The following PLPP3 variants were observed in gnomAD, a reference collection of about 807,000 sequenced individuals.
PLPP3 encodes the protein phospholipid phosphatase 3.
PLPP3 carries 6 observed loss-of-function variants against 29.6 expected under a neutral mutation model. The ratio of observed to expected loss-of-function variants is 0.20; its 90% CI spans 0.11 to 0.40. The LOEUF (loss-of-function observed/expected upper bound fraction) is 0.40. PLPP3 is among the 10% of genes least tolerant of loss of function. The pLI is 1.00. For missense variants in PLPP3, 308 were observed against 407.7 expected (o/e 0.76, Z 2.11); for synonymous variants, 152 against 159.7 (o/e 0.95, Z 0.36).
At chr1:56,534,781 T>A (rs2100263384) in intron 2 of PLPP3, among the ~76,000 whole-genome samples, 1 of 152,304 alleles carries the variant, frequency 6.6e-6, no homozygotes, top group Non-Finnish European at 1.5e-5. Flanking sequence ...GTACCCTTGA[T>A]AGTTATGACA....
At chr1:56,556,776 G>A (rs529549240) in intron 1 of PLPP3, among the ~76,000 whole-genome samples, 1 of 150,820 alleles carries the variant, frequency 6.6e-6, no homozygotes, top group African/African-American at 2.4e-5. Context: ...ACTGTCCCTG[G>A]GCAGGCAGGT....
chr1:56,522,713 T>A (rs955164676), intron 4 of PLPP3, among the ~76,000 whole-genome samples: 1 of 152,228 alleles, frequency 6.6e-6, no homozygotes, highest in Non-Finnish European at 1.5e-5. Context: ...CTGCTGTTTT[T>A]CCCAATTCCT....
chr1:56,498,626 C>T (rs914467623), intron 5 of PLPP3, among the ~76,000 whole-genome samples: 3 of 151,388 alleles, frequency 2.0e-5, no homozygotes, highest in Non-Finnish European at 4.4e-5. Flanking sequence ...AATCCCTCCC[C>T]ATCACTACTT....
At chr1:56,502,606 T>C (rs1332158676) in intron 5 of PLPP3, among the ~76,000 whole-genome samples, 6 of 152,218 alleles carry the variant, frequency 3.9e-5, no homozygotes. Flanking sequence ...TGCCATTGCA[T>C]GGCTGTGTGT....
At chr1:56,559,843 T>G (rs1646109349) in intron 1 of PLPP3, among the ~76,000 whole-genome samples, 1 of 152,182 alleles carries the variant, frequency 6.6e-6, no homozygotes, top group South Asian at 2.1e-4. Context: ...AAGGAAGAAC[T>G]TTTGATGCTT....
At chr1:56,505,578 C>T (rs1256010083) in intron 5 of PLPP3, among the ~76,000 whole-genome samples, 1 of 152,204 alleles carries the variant, frequency 6.6e-6, no homozygotes, top group African/African-American at 2.4e-5. Context: ...ATGGAAACAA[C>T]CAGCATGAAG....
At chr1:56,528,040 C>A (rs748738347) in intron 2 of PLPP3, among the ~76,000 whole-genome samples, 10 of 152,240 alleles carry the variant, frequency 6.6e-5, no homozygotes, top group African/African-American at 1.2e-4. Context: ...CCTCAGTCAG[C>A]AAGGTTCTGA....
chr1:56,557,011 AG>A (rs1219728995), intron 1 of PLPP3, among the ~76,000 whole-genome samples: 1,988 of 14,852 alleles, frequency 0.13, 245 homozygotes, highest in Admixed American at 0.19. Context: ...AGAAAGAAAG[AG>A]AGAGAGAGAG....
In PLPP3 at chr1:56,539,666, G is replaced by C. The variant is rs181408450; in HGVS notation, c.140-2554C>G. Among the ~76,000 whole-genome samples, 9 of 152,298 alleles carry C rather than the reference G, an allele frequency of 5.9e-5. No individual in the cohort carries two copies. In the East Asian group the frequency reaches 1.3e-3, roughly 23 times the overall value. On this transcript the variant is annotated intron_variant, in intron 1 of 5. Coordinates refer to ENST00000371250, the MANE Select transcript of PLPP3 (RefSeq NM_003713.5). ...CTTTGTCTCTGCAATGGAGGAGAGG[G>C]GGGCAGGGAAAGGCAGTGGATAAAC...
chr1:56,572,128 C>A (rs990379951), intron 1 of PLPP3, among the ~76,000 whole-genome samples: 1 of 135,786 alleles, frequency 7.4e-6, no homozygotes, highest in African/African-American at 2.7e-5. Context: ...TGGCTCACTG[C>A]AGCCTCTGCC....
chr1:56,524,264 G>A lies in PLPP3; in HGVS notation c.575+13C>T, dbSNP rs377658100. On this transcript the variant is annotated intron_variant, in intron 3 of 5. Transcript: ENST00000371250. This position sits in a 1 kb window ranked among gnomAD's most constrained non-coding sequence, Gnocchi z 4.3. ...GGGGTCCAGGCTCTGGCCATGCGGAGGTGGTGTCTCACCTGGCTTCCTGGA... is the reference window on the plus strand; with the variant it reads ...GGGGTCCAGGCTCTGGCCATGCGGAAGTGGTGTCTCACCTGGCTTCCTGGA... 44 of 1,612,450 alleles carry A rather than the reference G, an allele frequency of 2.7e-5. No individual in the cohort carries two copies. Among genetic ancestry groups the A allele is most frequent in the Non-Finnish European group, 3.5e-5 (41 of 1,179,626 alleles).
intron 1 of PLPP3, among the ~76,000 whole-genome samples, chr1:56,572,511 G>A (rs2100310895): frequency 6.6e-6 from 1 of 152,218 alleles, no homozygotes. Flanking sequence ...CCCTTTCAAA[G>A]GGGAAGAATG....
At chr1:56,536,115 A>G (rs1645925286) in intron 2 of PLPP3, among the ~76,000 whole-genome samples, 3 of 152,006 alleles carry the variant, frequency 2.0e-5, no homozygotes, top group Admixed American at 1.3e-4. Flanking sequence ...ATCTCACCAC[A>G]CTCTTGGGTA....
chr1:56,569,042 T>C (rs1028719198), intron 1 of PLPP3, among the ~76,000 whole-genome samples: 1 of 152,102 alleles, frequency 6.6e-6, no homozygotes, highest in South Asian at 2.1e-4. Flanking sequence ...TACCCTCAAA[T>C]CCAGTCATCT....
intron 1 of PLPP3, among the ~76,000 whole-genome samples, chr1:56,562,565 A>T (rs572701935): frequency 9.2e-5 from 14 of 152,364 alleles, no homozygotes; most frequent in African/African-American, 2.9e-4. Flanking sequence ...ATATTTTTCT[A>T]TACCTGTGGG....
At chr1:56,548,302 C>G (rs374255571) in intron 1 of PLPP3, among the ~76,000 whole-genome samples, 5 of 152,210 alleles carry the variant, frequency 3.3e-5, no homozygotes, top group East Asian at 3.8e-4. Context: ...TTTTGTAACT[C>G]AATACAAACC....
chr1:56,524,360 A>T lies in PLPP3; in HGVS notation c.492T>A (p.Pro164=), dbSNP rs200079726. The T allele has an allele frequency of 8.7e-6, 14 of 1,614,098 alleles. No homozygotes were observed. Among genetic ancestry groups the T allele is most frequent in the African/African-American group, 1.3e-5 (1 of 75,048 alleles). The change falls in exon 3 of 6, where the codon CCT becomes CCA. Residue 164 remains proline, a synonymous_variant. Coordinates refer to ENST00000371250, the MANE Select transcript of PLPP3 (RefSeq NM_003713.5). The surrounding 1 kb of genome is among the most constrained non-coding windows in gnomAD (Gnocchi z 4.3). ...LRPHFLSVCN[P]DFSQINCSEG... ...CAGAGCAGTTGATCTGGCTGAAATCAGGGTTGCAGACACTCAAGAAGTGAG... is the reference window on the plus strand; with the variant it reads ...CAGAGCAGTTGATCTGGCTGAAATCTGGGTTGCAGACACTCAAGAAGTGAG...
Position 56,520,952 on chromosome 1 carries a change from G to C in PLPP3, c.633+2871C>G, listed in dbSNP as rs1645815229. On this transcript the variant is annotated intron_variant, in intron 4 of 5. Transcript: ENST00000371250. ...AAAAAAAAAGAAACTTTTGCAAATC[G>C]GCCTAGCACGGAGGCTCACATCTGT... is the stretch of plus-strand genomic sequence containing the variant. 2.1e-5 allele frequency among the ~76,000 whole-genome samples: 3 copies of C among 144,380 alleles called. No homozygotes were observed. In the South Asian group the frequency reaches 6.6e-4, roughly 32 times the overall value. 94.7% of individuals were successfully genotyped at this position (144,380 alleles called of 152,430 possible).
intron 1 of PLPP3, among the ~76,000 whole-genome samples, chr1:56,551,012 G>A (rs1646034490): frequency 6.6e-6 from 1 of 152,110 alleles, no homozygotes; most frequent in East Asian, 1.9e-4. Context: ...GGAACCCATA[G>A]GCCTTTGCGA....
Sources: gnomAD v4.1 joint callset for allele counts (sites outside exome capture counted in the v4.1 genomes callset) on GRCh38, gnomAD v4.1.1 for gene constraint, Gnocchi (gnomAD v3.1) non-coding constraint, MANE v1.5 for transcripts, NCBI Gene and HGNC (gene_info 2026-07-23, HGNC 2026-07-21) for gene names.